Variants in SCIMP observed in about 807,000 individuals in gnomAD.
The protein encoded by SCIMP is SLP adapter and CSK-interacting membrane protein.
In SCIMP, 18 loss-of-function variants were observed where a neutral mutation model predicts 22.0. The observed-to-expected ratio is 0.82, with a 90% CI of 0.56 to 1.21. The LOEUF is 1.21. Among genes scored for constraint, SCIMP ranks in the 50% most tolerant of loss-of-function variants. The probability of loss-of-function intolerance (pLI) is 0.00; values close to 1 mark genes in which losing one functional copy is unlikely to be tolerated. For missense variants in SCIMP, 155 were observed against 171.2 expected (o/e 0.91, Z 0.53); for synonymous variants, 53 against 62.2 (o/e 0.85, Z 0.70).
chr17:5,231,928 C>T lies in SCIMP; in HGVS notation c.21+2807G>A, dbSNP rs182634837. ...AAAATTAGCCAGGCATGGTGGCAGG[C>T]GCCTGTAGTCCCAGCTACTCGGGAG... On this transcript the variant is annotated intron_variant, in intron 1 of 4. Transcript: ENST00000574081. Among the ~76,000 whole-genome samples the T allele has an allele frequency of 3.9e-3, 600 of 152,260 alleles. 1 individual carries two copies. Among genetic ancestry groups the T allele is most frequent in the African/African-American group, 0.013 (524 of 41,552 alleles).
At chr17:5,222,893 G>C (rs1403077938) in intron 2 of SCIMP, among the ~76,000 whole-genome samples, 2 of 151,996 alleles carry the variant, frequency 1.3e-5, no homozygotes, top group African/African-American at 4.8e-5. Context: ...TCGAACTCCT[G>C]ACCTCAGAGG....
rs537572762 is a variant in SCIMP, at chr17:5,220,477, G to A, written c.209+810C>T. ...AAAGAGGCTGGGTGCAGTGGCTCAC[G>A]TCTATAATCCCAGCACTTTGGGAGG... On this transcript the variant is annotated intron_variant, in intron 3 of 4. Transcript: ENST00000574081. Among the ~76,000 whole-genome samples the A allele has an allele frequency of 4.5e-4, 67 of 150,410 alleles. 1 individual carries two copies. The highest frequency in any genetic ancestry group is 1.5e-3 in the African/African-American group (62 of 40,924).
At chr17:5,212,709 C>T (rs1176500481) in intron 4 of SCIMP, among the ~76,000 whole-genome samples, 2 of 152,142 alleles carry the variant, frequency 1.3e-5, no homozygotes, top group African/African-American at 4.8e-5. Flanking sequence ...CTGTAAAGTG[C>T]TTAGTGTGGG....
chr17:5,218,882 G>A (rs1321423113), intron 3 of SCIMP, among the ~76,000 whole-genome samples: 2 of 152,084 alleles, frequency 1.3e-5, no homozygotes, highest in African/African-American at 4.8e-5. Flanking sequence ...CTTTGGCAAA[G>A]TGCTGAGATT....
chr17:5,227,323 A>ACACT (rs776010245), intron 1 of SCIMP, among the ~76,000 whole-genome samples: 10 of 148,556 alleles, frequency 6.7e-5, no homozygotes, highest in Non-Finnish European at 1.3e-4. Context: ...ACACACACAC[A>ACACT]CTCTTACACT....
chr17:5,230,898 A>T (rs2074688607), intron 1 of SCIMP, among the ~76,000 whole-genome samples: 1 of 152,208 alleles, frequency 6.6e-6, no homozygotes. Flanking sequence ...TGTGATTACC[A>T]TCAGTGCACT....
intron 3 of SCIMP, among the ~76,000 whole-genome samples, chr17:5,220,457 G>A (rs1858720725): frequency 6.8e-6 from 1 of 147,816 alleles, no homozygotes; most frequent in South Asian, 2.1e-4. Context: ...AAAAAAAAGA[G>A]GCTGGGTGCA....
chr17:5,214,765 G>A (rs569470305), intron 4 of SCIMP, 160 bp downstream of exon 4: 27 of 556,742 alleles, frequency 4.8e-5, no homozygotes, highest in Admixed American at 2.0e-4. Flanking sequence ...GCATGAACCC[G>A]GGAGGCGGAG....
In SCIMP at chr17:5,208,958, G is replaced by A. The variant is rs900752368; in HGVS notation, c.*1843C>T. ...TGTTTTTAACTTTTGTCATAGTCATGGAGGGTTTACAGAACATTTATAAGA... is the reference window on the plus strand; with the variant it reads ...TGTTTTTAACTTTTGTCATAGTCATAGAGGGTTTACAGAACATTTATAAGA... On this transcript the variant is annotated 3_prime_UTR_variant, in exon 5 of 5. Coordinates refer to ENST00000574081, the MANE Select transcript of SCIMP (RefSeq NM_207103.3). The A allele has an allele frequency of 2.0e-5, 3 of 152,184 alleles. No individual in the cohort carries two copies. The highest frequency in any genetic ancestry group is 7.2e-5 in the African/African-American group (3 of 41,448). 9.4% of individuals were successfully genotyped at this position (152,184 alleles called of 1,614,324 possible).
intron 1 of SCIMP, among the ~76,000 whole-genome samples, chr17:5,229,802 A>C (rs1240088101): frequency 6.6e-6 from 1 of 151,620 alleles, no homozygotes; most frequent in Non-Finnish European, 1.5e-5. Flanking sequence ...TAGGCTGGCC[A>C]TCAAGGGAAC....
intron 2 of SCIMP, 101 bp from the exon 3 acceptor site, chr17:5,221,451 G>A (rs2074607073): frequency 1.1e-6 from 1 of 870,342 alleles, no homozygotes; most frequent in South Asian, 1.4e-5. Context: ...GTTAATAAAT[G>A]ATAGAGCCGG....
chr17:5,223,401 G>C lies in SCIMP; in HGVS notation c.77C>G (p.Ala26Gly). The change falls in exon 2 of 5, where the codon GCC becomes GGC. Residue 26 changes from alanine (A) to glycine (G), a missense_variant. By Grantham distance (60) the Ala-to-Gly change is moderately conservative (BLOSUM62 0). Coordinates refer to ENST00000574081, the MANE Select transcript of SCIMP (RefSeq NM_207103.3). ...CAGACCCACAGAGACAACGATGATG[G>C]CCACAGCTAAGATGATCCAGAAATT... ...RNNFWIILAV[A>G]IIVVSVGLGL... 1 of 1,613,518 alleles carries C rather than the reference G, an allele frequency of 6.2e-7. No homozygotes were observed. The highest frequency in any genetic ancestry group is 8.5e-7 in the Non-Finnish European group (1 of 1,179,530).
At chr17:5,221,427 C>T in intron 2 of SCIMP, 77 bp from the exon 3 acceptor site, 2 of 1,024,168 alleles carry the variant, frequency 2.0e-6, no homozygotes, top group Non-Finnish European at 3.1e-6. Context: ...AGAGAAAACA[C>T]ACTTAGGGAC....
At chr17:5,223,093 G>T (rs1241715523) in intron 2 of SCIMP, among the ~76,000 whole-genome samples, 1 of 152,174 alleles carries the variant, frequency 6.6e-6, no homozygotes, top group African/African-American at 2.4e-5. Flanking sequence ...CAGATGATTA[G>T]GGCTGGAAGG....
rs1312791190 is a variant in SCIMP, at chr17:5,234,780, G to A, written c.-25C>T. 3.7e-6 allele frequency: 6 copies of A among 1,604,528 alleles called. No individual in the cohort carries two copies. Among genetic ancestry groups the A allele is most frequent in the Non-Finnish European group, 4.3e-6 (5 of 1,175,838 alleles). On this transcript the variant is annotated 5_prime_UTR_variant, in exon 1 of 5. Transcript: ENST00000574081. ...TATGTGAGCAGCTAAGGAGACAGCA[G>A]TGGCTGGAGTGCTGCAGCTCAGGCA... is the stretch of plus-strand genomic sequence containing the variant.
intron 1 of SCIMP, among the ~76,000 whole-genome samples, chr17:5,231,774 G>A (rs12601599): frequency 0.07 from 10,720 of 152,268 alleles, 471 homozygotes; most frequent in Middle Eastern, 0.13. Context: ...GGTCATCTTG[G>A]CGGGACGCGG....
chr17:5,228,672 C>G (rs2074670846), intron 1 of SCIMP, among the ~76,000 whole-genome samples: 1 of 151,940 alleles, frequency 6.6e-6, no homozygotes, highest in Non-Finnish European at 1.5e-5. Context: ...CAGTGAAATG[C>G]ATTTTTCTTC....
At position 5,209,722 on chromosome 17, in the gene SCIMP, C is replaced by G. The variant is rs1249588576; in HGVS notation, c.*1079G>C. The G allele has an allele frequency of 6.6e-6, 1 of 152,170 alleles. No individual in the cohort carries two copies. Among genetic ancestry groups the G allele is most frequent in the Non-Finnish European group, 1.5e-5 (1 of 68,062 alleles). 9.4% of individuals were successfully genotyped at this position (152,170 alleles called of 1,614,324 possible). ...TGATGAGGTCTAAGAGCCTATAAAG[C>G]TGACTCGGGCCTTGTTGACCCCATT... On this transcript the variant is annotated 3_prime_UTR_variant, in exon 5 of 5. Coordinates refer to ENST00000574081, the MANE Select transcript of SCIMP (RefSeq NM_207103.3).
chr17:5,216,167 A>T (rs539017742), intron 3 of SCIMP, among the ~76,000 whole-genome samples: 1 of 152,046 alleles, frequency 6.6e-6, no homozygotes, highest in Non-Finnish European at 1.5e-5. Flanking sequence ...GCACCACTGT[A>T]CTCCAACCTG....
Sources: allele counts gnomAD v4.1 joint callset (sites outside exome capture counted in the v4.1 genomes callset), GRCh38; gene constraint gnomAD v4.1.1; transcripts MANE v1.5; gene names NCBI Gene and HGNC (gene_info 2026-07-23, HGNC 2026-07-21).